Variants in DOK6 observed in about 807,000 individuals in gnomAD.
The protein encoded by DOK6 is docking protein 6, also known as downstream of tyrosine kinase 6.
Under a neutral mutation model 44.0 loss-of-function variants are expected in DOK6, and 22 were observed. The ratio of observed to expected loss-of-function variants is 0.50; its 90% CI spans 0.36 to 0.71. DOK6 has a LOEUF of 0.71. DOK6 is among the 30% of genes least tolerant of loss of function. The pLI, the probability that DOK6 is intolerant of heterozygous loss-of-function variation, is 0.00. For missense variants in DOK6, 340 were observed against 416.4 expected, an observed-to-expected ratio of 0.82 and a Z score of 1.60; for synonymous variants, 166 against 145.5, an observed-to-expected ratio of 1.14 and a Z score of -1.01.
rs148640677 is a variant in DOK6, at chr18:69,738,334, T to C, written c.600-631T>C. Among the ~76,000 whole-genome samples the C allele has an allele frequency of 1.1e-3, 166 of 152,334 alleles. 1 individual carries two copies. Among genetic ancestry groups the C allele is most frequent in the Non-Finnish European group, 1.7e-3 (118 of 68,034 alleles). ...ATCCAAAATATTAACATATTGATAT[T>C]GGGTGGGTCTTTCTGAAGACTTTCT... is the stretch of plus-strand genomic sequence containing the variant. On this transcript the variant is annotated intron_variant, in intron 5 of 7. Transcript: ENST00000382713.
chr18:69,615,547 G>T (rs73459921), intron 3 of DOK6, among the ~76,000 whole-genome samples: 35 of 152,318 alleles, frequency 2.3e-4, no homozygotes, highest in African/African-American at 8.4e-4. Context: ...TATCTGAAAT[G>T]TATTGAGATT....
chr18:69,522,982 A>T (rs758267154), intron 1 of DOK6, among the ~76,000 whole-genome samples: 2 of 152,086 alleles, frequency 1.3e-5, no homozygotes, highest in Non-Finnish European at 2.9e-5. Context: ...GCATTAAGGG[A>T]TAGCTATTTC....
At position 69,718,223 on chromosome 18, in the gene DOK6, G is replaced by A. The variant is rs575246479; in HGVS notation, c.599+19630G>A. ...CCAAAGTAATTTTGAATGGGTAGAA[G>A]GGGAGAGTTGGGAAGACCCATTCAG... On this transcript the variant is annotated intron_variant, in intron 5 of 7. Coordinates refer to ENST00000382713, the MANE Select transcript of DOK6 (RefSeq NM_152721.6). Among the ~76,000 whole-genome samples, 16 of 152,266 alleles carry A rather than the reference G, an allele frequency of 1.1e-4. No homozygotes were observed. In the South Asian group the frequency reaches 3.3e-3, roughly 32 times the overall value.
intron 1 of DOK6, among the ~76,000 whole-genome samples, chr18:69,494,014 G>T (rs559657151): frequency 6.6e-5 from 10 of 152,196 alleles, no homozygotes; most frequent in Non-Finnish European, 1.5e-4. Flanking sequence ...TCTGTTTCAG[G>T]AATGTTAAAG....
At chr18:69,780,059 A>T (rs1980214347) in intron 7 of DOK6, among the ~76,000 whole-genome samples, 1 of 152,190 alleles carries the variant, frequency 6.6e-6, no homozygotes, top group South Asian at 2.1e-4. Flanking sequence ...TCCTACCTTC[A>T]CATTTGAGAA....
chr18:69,645,951 T>C (rs1985061902), intron 3 of DOK6, among the ~76,000 whole-genome samples: 1 of 152,214 alleles, frequency 6.6e-6, no homozygotes, highest in South Asian at 2.1e-4. Flanking sequence ...TATTTTGTGA[T>C]CGAGGAGTCT....
rs559355435 is a variant in DOK6, at chr18:69,547,890, T to C, written c.67-16597T>C. On this transcript the variant is annotated intron_variant, in intron 1 of 7. Transcript: ENST00000382713. The stretch of plus-strand genomic sequence containing the variant: ...GCTGTAAATGACATGATTTTATTTT[T>C]ATGGCTAAATAATATTCCATTGTAT... 4.7e-5 allele frequency among the ~76,000 whole-genome samples: 7 copies of C among 148,188 alleles called. No individual in the cohort carries two copies. In the Admixed American group the frequency reaches 4.7e-4, roughly 10 times the overall value.
At chr18:69,748,072 CA>C (rs1348982838) in intron 6 of DOK6, among the ~76,000 whole-genome samples, 28 of 151,846 alleles carry the variant, frequency 1.8e-4, no homozygotes, top group African/African-American at 6.0e-4. Context: ...AAATTGAAAA[CA>C]AAAAAGCAGG....
At chr18:69,635,270 A>G (rs1046459254) in intron 3 of DOK6, among the ~76,000 whole-genome samples, 3 of 148,878 alleles carry the variant, frequency 2.0e-5, no homozygotes, top group African/African-American at 7.3e-5. Flanking sequence ...GAGATTCGAT[A>G]TTTTTCTCTT....
At chr18:69,405,458 T>TA (rs1916187269) in intron 1 of DOK6, among the ~76,000 whole-genome samples, 1 of 152,160 alleles carries the variant, frequency 6.6e-6, no homozygotes, top group Non-Finnish European at 1.5e-5. Context: ...TGTGTGCCTA[T>TA]AGTCCCAGCT....
At chr18:69,469,051 G>A (rs953159355) in intron 1 of DOK6, among the ~76,000 whole-genome samples, 8 of 152,164 alleles carry the variant, frequency 5.3e-5, no homozygotes, top group Admixed American at 3.9e-4. Flanking sequence ...GGATGAAGAT[G>A]GTGCCACTGA....
intron 1 of DOK6, among the ~76,000 whole-genome samples, chr18:69,518,933 T>G (rs1545248): frequency 0.16 from 24,630 of 151,998 alleles, 2,237 homozygotes; most frequent in Non-Finnish European, 0.2. Context: ...GTCAGGTACA[T>G]AAAGTTATTT....
At chr18:69,448,944 A>T (rs983480831) in intron 1 of DOK6, among the ~76,000 whole-genome samples, 5 of 152,210 alleles carry the variant, frequency 3.3e-5, no homozygotes, top group Admixed American at 1.3e-4. Context: ...TTATATAGAG[A>T]GTCGCCAAAT....
chr18:69,787,627 A>C (rs999720098), intron 7 of DOK6, among the ~76,000 whole-genome samples: 1 of 152,188 alleles, frequency 6.6e-6, no homozygotes, highest in Non-Finnish European at 1.5e-5. Flanking sequence ...AAGCCAGCTC[A>C]TTCCTAGATA....
intron 3 of DOK6, among the ~76,000 whole-genome samples, chr18:69,604,015 C>T (rs1336211168): frequency 1.3e-5 from 2 of 152,042 alleles, no homozygotes; most frequent in East Asian, 3.9e-4. Context: ...TCATTAATAG[C>T]ATTCTTCATT....
At chr18:69,665,806 T>G (rs985717279) in intron 3 of DOK6, among the ~76,000 whole-genome samples, 1 of 152,152 alleles carries the variant, frequency 6.6e-6, no homozygotes, top group Admixed American at 6.6e-5. Context: ...GTTTTGATTT[T>G]TTTTTTTTCT....
chr18:69,401,706 T>C lies in DOK6; in HGVS notation c.66+396T>C, dbSNP rs373277076. Among the ~76,000 whole-genome samples, 39 of 152,310 alleles carry C rather than the reference T, an allele frequency of 2.6e-4. No individual in the cohort carries two copies. The East Asian group carries it at 3.1e-3, about 12-fold the overall frequency. On this transcript the variant is annotated intron_variant, in intron 1 of 7. Transcript: ENST00000382713. Reference sequence around the variant, plus strand: ...ACTGCTGTGTGTGGCGACGCTCGCGTGTGTTTAGAATCACCATTTTCTGGT... The same window carrying C: ...ACTGCTGTGTGTGGCGACGCTCGCGCGTGTTTAGAATCACCATTTTCTGGT...
At chr18:69,431,826 G>A (rs1158616377) in intron 1 of DOK6, among the ~76,000 whole-genome samples, 1 of 152,158 alleles carries the variant, frequency 6.6e-6, no homozygotes, top group East Asian at 1.9e-4. Flanking sequence ...ATTTGAGATA[G>A]TTTAAGGCTT....
chr18:69,712,488 CAGAT>C (rs1986788841), intron 5 of DOK6, among the ~76,000 whole-genome samples: 1 of 152,014 alleles, frequency 6.6e-6, no homozygotes, highest in Admixed American at 6.6e-5. Flanking sequence ...AACACCTAGA[CAGAT>C]AGTGTATAAA....
Sources: allele counts gnomAD v4.1 joint callset (sites outside exome capture counted in the v4.1 genomes callset), GRCh38; gene constraint gnomAD v4.1.1; transcripts MANE v1.5; gene names NCBI Gene and HGNC (gene_info 2026-07-23, HGNC 2026-07-21).